Variants in APBB2 observed in about 807,000 individuals in gnomAD.
APBB2 encodes the protein Fe65-like 1.
In APBB2, 38 loss-of-function variants were observed where a neutral mutation model predicts 82.5. The ratio of observed to expected loss-of-function variants is 0.46; its 90% CI spans 0.36 to 0.60. The LOEUF is 0.60. Ranked by LOEUF, APBB2 falls within the 20% of genes least tolerant of loss-of-function variation. The pLI is 0.00. For synonymous variants in APBB2, 341 were observed against 368.2 expected (o/e 0.93, Z 0.85); for missense variants, 772 against 972.3 (o/e 0.79, Z 2.74).
Position 41,197,355 on chromosome 4 carries a change from C to T in APBB2, c.-417+17050G>A. On this transcript the variant is annotated intron_variant, in intron 1 of 17. Transcript: ENST00000508593. ...AAATATTTGATGAGCCTTCTTAATGCTTATCTTCCAATAGCAAATACAAGA... is the reference window on the plus strand; with the variant it reads ...AAATATTTGATGAGCCTTCTTAATGTTTATCTTCCAATAGCAAATACAAGA... Among the ~76,000 whole-genome samples, 9 of 152,298 alleles carry T rather than the reference C, an allele frequency of 5.9e-5. No individual in the cohort carries two copies. In the East Asian group the frequency reaches 1.3e-3, roughly 23 times the overall value.
At chr4:40,942,298 C>T (rs1230705315) in intron 7 of APBB2, among the ~76,000 whole-genome samples, 9 of 152,116 alleles carry the variant, frequency 5.9e-5, no homozygotes, top group Admixed American at 3.3e-4. Flanking sequence ...AAAATATGCA[C>T]CTTTAACCAG....
chr4:40,876,877 T>C (rs1033338531), intron 12 of APBB2, among the ~76,000 whole-genome samples: 1 of 152,242 alleles, frequency 6.6e-6, no homozygotes, highest in Non-Finnish European at 1.5e-5. Flanking sequence ...CAATATACCA[T>C]GGTCTGTTTA....
chr4:40,936,771 C>A (rs1464017032), intron 7 of APBB2, among the ~76,000 whole-genome samples: 1 of 152,184 alleles, frequency 6.6e-6, no homozygotes, highest in Non-Finnish European at 1.5e-5. Flanking sequence ...GTTGCCCAAT[C>A]CCTTACCTTT....
chr4:40,967,871 C>T (rs1795043296), intron 6 of APBB2, among the ~76,000 whole-genome samples: 1 of 152,092 alleles, frequency 6.6e-6, no homozygotes, highest in Non-Finnish European at 1.5e-5. Flanking sequence ...AAGCACAGTG[C>T]CTGGGACATA....
intron 4 of APBB2, among the ~76,000 whole-genome samples, chr4:41,034,081 A>T (rs949399979): frequency 2.4e-4 from 37 of 152,222 alleles, no homozygotes; most frequent in African/African-American, 8.7e-4. Context: ...AGAGCCATTT[A>T]CAAATATCTG....
chr4:40,879,962 G>A (rs1578158998), intron 12 of APBB2: 2 of 969,822 alleles, frequency 2.1e-6, no homozygotes, highest in Non-Finnish European at 1.2e-6. Flanking sequence ...AAAGTGCTGG[G>A]ATTACAGGCA....
chr4:41,150,369 T>C (rs186986631), intron 1 of APBB2, among the ~76,000 whole-genome samples: 1 of 152,266 alleles, frequency 6.6e-6, no homozygotes, highest in Admixed American at 6.5e-5. Context: ...ATGCTTCCGG[T>C]CTCAGGGAAT....
chr4:40,836,764 T>G (rs1052913842), intron 12 of APBB2, among the ~76,000 whole-genome samples: 1 of 152,158 alleles, frequency 6.6e-6, no homozygotes, highest in African/African-American at 2.4e-5. Flanking sequence ...CCTGGACCCT[T>G]ACCTGGGAGA....
chr4:41,038,710 T>C (rs936121795), intron 4 of APBB2, among the ~76,000 whole-genome samples: 2 of 152,250 alleles, frequency 1.3e-5, no homozygotes, highest in Non-Finnish European at 2.9e-5. Context: ...CAATACTCCC[T>C]TTCTATAACA....
intron 6 of APBB2, among the ~76,000 whole-genome samples, chr4:40,949,183 T>G (rs1449705896): frequency 6.6e-6 from 1 of 151,894 alleles, no homozygotes; most frequent in Non-Finnish European, 1.5e-5. Flanking sequence ...GGCACAGAAT[T>G]GCTTGAACCC....
chr4:41,204,829 GA>G (rs1044760462), intron 1 of APBB2, among the ~76,000 whole-genome samples: 10 of 152,154 alleles, frequency 6.6e-5, no homozygotes, highest in Non-Finnish European at 1.2e-4. Context: ...AAAGGAATTC[GA>G]AAGATATAAC....
At chr4:40,950,402 T>C (rs1789769856) in intron 6 of APBB2, among the ~76,000 whole-genome samples, 1 of 152,224 alleles carries the variant, frequency 6.6e-6, no homozygotes, top group Non-Finnish European at 1.5e-5. Flanking sequence ...TGAAACAACC[T>C]AGACAACCAT....
intron 10 of APBB2, among the ~76,000 whole-genome samples, chr4:40,930,225 G>A (rs1578515013): frequency 6.6e-6 from 1 of 151,910 alleles, no homozygotes; most frequent in African/African-American, 2.4e-5. Flanking sequence ...TAGGTGAAGG[G>A]GTCTAGGAGA....
At chr4:40,850,994 C>T (rs1759160324) in intron 12 of APBB2, among the ~76,000 whole-genome samples, 1 of 152,102 alleles carries the variant, frequency 6.6e-6, no homozygotes, top group Admixed American at 6.6e-5. Flanking sequence ...AAAAATCTGC[C>T]AACCCCTGCT....
intron 4 of APBB2, among the ~76,000 whole-genome samples, chr4:41,040,098 T>C (rs1157547751): frequency 6.6e-6 from 1 of 152,048 alleles, no homozygotes. Flanking sequence ...ACTATAATTA[T>C]ATAGAAAATT....
intron 2 of APBB2, among the ~76,000 whole-genome samples, chr4:41,132,095 C>T (rs1756180637): frequency 6.6e-6 from 1 of 151,646 alleles, no homozygotes; most frequent in South Asian, 2.1e-4. Context: ...TCAAGTATTC[C>T]ATATGAAATA....
intron 1 of APBB2, among the ~76,000 whole-genome samples, chr4:41,160,207 G>A (rs1015616078): frequency 2.0e-5 from 3 of 152,080 alleles, no homozygotes; most frequent in Non-Finnish European, 4.4e-5. Context: ...AGGTGCTGCC[G>A]GCCTGGACAG....
Position 41,014,509 on chromosome 4 carries a change from A to G in APBB2, c.20-111T>C. 5.0e-6 allele frequency: 5 copies of G among 995,872 alleles called. No homozygotes were observed. In the East Asian group the frequency reaches 7.8e-5, roughly 16 times the overall value. The allele number at this position is 995,872 out of a possible 1,614,324, so 61.7% of individuals were successfully genotyped here. A position where few individuals can be genotyped will look rare whatever the true frequency, so the allele number is the denominator to read the frequency against. ...AAAAGAAGAAATGCTTCCACTGCAC[A>G]TACATTCTCATAGAATGGACCCATT... On this transcript the variant is annotated intron_variant, in intron 5 of 17. Coordinates refer to ENST00000508593, the MANE Select transcript of APBB2 (RefSeq NM_004307.2).
At chr4:40,880,088 A>G (rs1328751117) in intron 12 of APBB2, 1 of 985,346 alleles carries the variant, frequency 1.0e-6, no homozygotes, top group African/African-American at 1.7e-5. Context: ...AAGGACCTCC[A>G]TATTTCAGCT....
Sources: gnomAD v4.1 joint callset for allele counts (sites outside exome capture counted in the v4.1 genomes callset) on GRCh38, gnomAD v4.1.1 for gene constraint, MANE v1.5 for transcripts, NCBI Gene and HGNC (gene_info 2026-07-23, HGNC 2026-07-21) for gene names.